The following EEIG2 variants were observed in gnomAD, a reference collection of about 807,000 sequenced individuals.
EEIG2 encodes EEIG family member 2.
the EEIG2 span, chr1:108,628,652 G>A: frequency 8.2e-6 from 13 of 1,589,362 alleles, no homozygotes; most frequent in Non-Finnish European, 1.1e-5. Context: ...ATAATAAAAA[G>A]GAAAAAATGT....
the EEIG2 span, among the ~76,000 whole-genome samples, chr1:108,561,518 C>T: frequency 2.0e-5 from 3 of 152,052 alleles, no homozygotes; most frequent in East Asian, 1.9e-4. Context: ...AAAAAAATTC[C>T]GTCATCCCAT....
the EEIG2 span, among the ~76,000 whole-genome samples, chr1:108,605,667 A>G: frequency 6.6e-6 from 1 of 152,122 alleles, no homozygotes; most frequent in Admixed American, 6.5e-5. Flanking sequence ...TGGCAAATTT[A>G]TGTACAGTGA....
the EEIG2 span, among the ~76,000 whole-genome samples, chr1:108,595,705 C>A: frequency 1.5e-5 from 2 of 136,578 alleles, no homozygotes; most frequent in South Asian, 2.4e-4. Context: ...TTTTACATGC[C>A]AAGGGAAGGA....
chr1:108,603,421 A>C, the EEIG2 span, among the ~76,000 whole-genome samples: 1 of 146,010 alleles, frequency 6.8e-6, no homozygotes, highest in Non-Finnish European at 1.5e-5. Flanking sequence ...TCAACCTAGT[A>C]GGAAGAGTGT....
chr1:108,638,615 T>G, the EEIG2 span: 2 of 152,208 alleles, frequency 1.3e-5, no homozygotes, highest in African/African-American at 4.8e-5. Flanking sequence ...AAATTCTGTT[T>G]GGTCAGTTCT....
chr1:108,567,990 C>T, the EEIG2 span, among the ~76,000 whole-genome samples: 3 of 151,540 alleles, frequency 2.0e-5, no homozygotes, highest in Non-Finnish European at 2.9e-5. Context: ...TGGAGCAGGA[C>T]TCTGTCTCAA....
the EEIG2 span, among the ~76,000 whole-genome samples, chr1:108,601,268 G>A: frequency 6.6e-6 from 1 of 151,878 alleles, no homozygotes; most frequent in African/African-American, 2.4e-5. Flanking sequence ...CTGTTTGTGT[G>A]TGTGTGTATG....
chr1:108,569,891 A>G, the EEIG2 span, among the ~76,000 whole-genome samples: 2 of 152,248 alleles, frequency 1.3e-5, no homozygotes, highest in East Asian at 1.9e-4. Flanking sequence ...CAGTCCACCC[A>G]CGGCTCCTAA....
chr1:108,584,910 G>A, the EEIG2 span, among the ~76,000 whole-genome samples: 2,184 of 152,198 alleles, frequency 0.014, 28 homozygotes, highest in Non-Finnish European at 0.024. Context: ...TCAGGAAGTA[G>A]TTAGAAAAGA....
At chr1:108,624,685 T>A in the EEIG2 span, 1 of 1,614,012 alleles carries the variant, frequency 6.2e-7, no homozygotes, top group South Asian at 1.1e-5. Context: ...TGCTGGTGAA[T>A]CTGAATCTTT....
At chr1:108,627,859 A>T in the EEIG2 span, 7 of 288,434 alleles carry the variant, frequency 2.4e-5, no homozygotes, top group Non-Finnish European at 4.6e-5. Flanking sequence ...TAGCAGTTTT[A>T]AGATAGAGTG....
the EEIG2 span, chr1:108,628,101 G>C: frequency 1.5e-6 from 2 of 1,359,026 alleles, no homozygotes; most frequent in Non-Finnish European, 2.1e-6. Flanking sequence ...AGTCTGCAGA[G>C]TAGAATACAA....
At chr1:108,604,733 G>A in the EEIG2 span, among the ~76,000 whole-genome samples, 1 of 151,880 alleles carries the variant, frequency 6.6e-6, no homozygotes, top group South Asian at 2.1e-4. Context: ...GTAATCTGAA[G>A]AGCTATTATA....
At chr1:108,624,613 C>G in the EEIG2 span, 14 of 1,597,968 alleles carry the variant, frequency 8.8e-6, no homozygotes, top group South Asian at 1.2e-4. Context: ...GAGGCTCCCC[C>G]ACAACTCCAG....
chr1:108,620,138 A>G, the EEIG2 span, among the ~76,000 whole-genome samples: 1 of 152,230 alleles, frequency 6.6e-6, no homozygotes, highest in Non-Finnish European at 1.5e-5. Flanking sequence ...CAGAATGAAG[A>G]TGTAAATAAC....
the EEIG2 span, among the ~76,000 whole-genome samples, chr1:108,600,003 G>A: frequency 6.6e-6 from 1 of 152,148 alleles, no homozygotes; most frequent in Non-Finnish European, 1.5e-5. Flanking sequence ...CTCAAAATAA[G>A]TAAAGTGAAG....
chr1:108,623,765 G>A, the EEIG2 span, among the ~76,000 whole-genome samples: 124,237 of 151,744 alleles, frequency 0.82, 52,729 homozygotes, highest in Non-Finnish European at 0.93. Context: ...TCTGCCTCCC[G>A]GGTTCAAGTG....
At chr1:108,616,571 C>G in the EEIG2 span, 1 of 595,368 alleles carries the variant, frequency 1.7e-6, no homozygotes, top group African/African-American at 1.9e-5. Flanking sequence ...ACTGACCTGA[C>G]CCTCTTAGAA....
the EEIG2 span, among the ~76,000 whole-genome samples, chr1:108,582,972 A>AC: frequency 0.083 from 12,501 of 151,256 alleles, 954 homozygotes; most frequent in African/African-American, 0.21. Flanking sequence ...TATGATTTGA[A>AC]CCCCCCACAC....
Sources: allele counts gnomAD v4.1 joint callset (sites outside exome capture counted in the v4.1 genomes callset), GRCh38; gene constraint gnomAD v4.1.1; transcripts MANE v1.5; gene names NCBI Gene and HGNC (gene_info 2026-07-23, HGNC 2026-07-21).